The following TENT2 variants were observed in gnomAD, a reference collection of about 807,000 sequenced individuals.
TENT2 encodes poly(A) RNA polymerase GLD2.
In TENT2, 44 loss-of-function variants were observed where a neutral mutation model predicts 72.2. The observed-to-expected ratio is 0.61, with a 90% CI of 0.48 to 0.78. The LOEUF (loss-of-function observed/expected upper bound fraction) is 0.78, where lower values mean the gene tolerates loss of function less well. TENT2 is among the 30% of genes least tolerant of loss of function. TENT2 has a pLI of 0.00. For missense variants in TENT2, 541 were observed against 569.6 expected (o/e 0.95, Z 0.51); for synonymous variants, 212 against 192.5 (o/e 1.10, Z -0.84).
intron 4 of TENT2, among the ~76,000 whole-genome samples, chr5:79,634,541 C>G (rs1258765811): frequency 1.3e-5 from 2 of 151,822 alleles, no homozygotes; most frequent in Non-Finnish European, 2.9e-5. Context: ...GTTTCATCAT[C>G]TTGGTCAGGC....
intron 1 of TENT2, among the ~76,000 whole-genome samples, chr5:79,613,774 A>G (rs977195094): frequency 7.9e-5 from 12 of 152,248 alleles, no homozygotes; most frequent in Admixed American, 6.5e-4. Flanking sequence ...CAAAAGGAAT[A>G]TCCTGTTCAA....
rs1449128700 is a variant in TENT2 at position 79,631,542 on chromosome 5, G to A, written c.465+8053G>A. On this transcript the variant is annotated intron_variant, in intron 4 of 14. Coordinates refer to ENST00000453514, the MANE Select transcript of TENT2 (RefSeq NM_001114394.3). ...CATACAGATGGTAATTGAAGCCCCA[G>A]GAAGAGAGTCTATGTCCAAGACTCG... Among the ~76,000 whole-genome samples, 3 of 152,166 alleles carry A rather than the reference G, an allele frequency of 2.0e-5. No homozygotes were observed. In the East Asian group the frequency reaches 5.8e-4, roughly 29 times the overall value.
chr5:79,637,576 A>C (rs916496666), intron 4 of TENT2, among the ~76,000 whole-genome samples: 3 of 152,008 alleles, frequency 2.0e-5, no homozygotes, highest in African/African-American at 7.3e-5. Context: ...ACAGGCACGC[A>C]TCACCATGTC....
rs965880266 is a variant in TENT2, at chr5:79,649,180, C to T, written c.1017C>T (p.His339=). ...SSYSLVLMVL[H]YLQTLPEPIL... ...ATAGTCTTGTATTGATGGTTTTGCACTATTTACAAAGTAAGTATAATGGGG... is the reference window on the plus strand; with the variant it reads ...ATAGTCTTGTATTGATGGTTTTGCATTATTTACAAAGTAAGTATAATGGGG... The change falls in exon 10 of 15, where the codon CAC becomes CAT. Residue 339 remains histidine (H), a synonymous_variant. Transcript: ENST00000453514. The T allele has an allele frequency of 3.7e-6, 6 of 1,612,640 alleles. No individual in the cohort carries two copies. The highest frequency in any genetic ancestry group is 2.2e-5 in the East Asian group (1 of 44,820).
chr5:79,637,915 A>G (rs528863026), intron 4 of TENT2, among the ~76,000 whole-genome samples: 2 of 149,802 alleles, frequency 1.3e-5, no homozygotes, highest in African/African-American at 4.9e-5. Flanking sequence ...CTCTTGCCTC[A>G]GCCTCCCAAA....
chr5:79,678,413 A>G (rs1197476182), intron 12 of TENT2, among the ~76,000 whole-genome samples: 1 of 152,166 alleles, frequency 6.6e-6, no homozygotes, highest in African/African-American at 2.4e-5. Context: ...AATGGTAGAG[A>G]AAGTTAAATA....
intron 1 of TENT2, among the ~76,000 whole-genome samples, chr5:79,617,210 G>T (rs1225796948): frequency 6.6e-6 from 1 of 150,682 alleles, no homozygotes; most frequent in Non-Finnish European, 1.5e-5. Context: ...AGCACTTTTT[G>T]TACCCTCTTG....
intron 11 of TENT2, among the ~76,000 whole-genome samples, chr5:79,667,957 A>G (rs6895525): frequency 3.3e-5 from 5 of 150,540 alleles, no homozygotes; most frequent in Non-Finnish European, 5.9e-5. Flanking sequence ...ACGAAAAAAA[A>G]AAATCCATTT....
intron 14 of TENT2, among the ~76,000 whole-genome samples, chr5:79,683,286 T>G (rs1823478139): frequency 6.6e-6 from 1 of 150,722 alleles, no homozygotes; most frequent in African/African-American, 2.5e-5. Context: ...CAAGACATAG[T>G]TCACACACAC....
At chr5:79,652,826 A>G (rs1201173588) in intron 10 of TENT2, among the ~76,000 whole-genome samples, 2 of 152,030 alleles carry the variant, frequency 1.3e-5, no homozygotes, top group Non-Finnish European at 2.9e-5. Context: ...GTCAATCTTG[A>G]ACATATATTA....
chr5:79,673,568 G>A (rs1814732618), intron 12 of TENT2, among the ~76,000 whole-genome samples: 1 of 151,882 alleles, frequency 6.6e-6, no homozygotes, highest in African/African-American at 2.4e-5. Context: ...CCTAGTGTAT[G>A]TCTTGGCACC....
intron 11 of TENT2, among the ~76,000 whole-genome samples, chr5:79,667,441 G>A (rs1045417881): frequency 6.6e-6 from 1 of 152,064 alleles, no homozygotes; most frequent in African/African-American, 2.4e-5. Flanking sequence ...GGGAATAGAG[G>A]CACTGCATCT....
At chr5:79,626,521 A>T (rs1770068644) in intron 4 of TENT2, among the ~76,000 whole-genome samples, 1 of 150,862 alleles carries the variant, frequency 6.6e-6, no homozygotes, top group Non-Finnish European at 1.5e-5. Flanking sequence ...GTTAGCCAGG[A>T]TGGTTTTGAT....
At chr5:79,623,846 T>G (rs1271115976) in intron 4 of TENT2, among the ~76,000 whole-genome samples, 1 of 152,042 alleles carries the variant, frequency 6.6e-6, no homozygotes, top group Non-Finnish European at 1.5e-5. Flanking sequence ...TATGGGATAT[T>G]TGTGTTATAA....
At chr5:79,648,504 G>T in intron 8 of TENT2, 113 bp from the exon 9 acceptor site, 1 of 689,618 alleles carries the variant, frequency 1.5e-6, no homozygotes, top group South Asian at 1.9e-5. Context: ...ATGGCCTTTG[G>T]GCCCATACTA....
At chr5:79,670,330 T>TATTC in intron 12 of TENT2, among the ~76,000 whole-genome samples, 1 of 152,174 alleles carries the variant, frequency 6.6e-6, no homozygotes, top group East Asian at 1.9e-4. Context: ...TTTATTTATT[T>TATTC]ATTTATTTTT....
intron 1 of TENT2, chr5:79,614,098 T>C (rs1267313033): frequency 1.5e-5 from 2 of 136,516 alleles, no homozygotes; most frequent in African/African-American, 5.9e-5. Flanking sequence ...AATCTTTTTT[T>C]TTTTTTTTTT....
intron 8 of TENT2, among the ~76,000 whole-genome samples, chr5:79,645,860 CAT>C (rs1277696646): frequency 1.3e-5 from 2 of 152,104 alleles, no homozygotes; most frequent in Non-Finnish European, 2.9e-5. Context: ...CACACACACA[CAT>C]TGTTGATCCT....
chr5:79,640,257 A>G (rs1448951988), intron 4 of TENT2, among the ~76,000 whole-genome samples: 6 of 72,260 alleles, frequency 8.3e-5, no homozygotes, highest in African/African-American at 2.1e-4. Context: ...CTCCGTCTCA[A>G]AAAAAAAAAA....
Sources: gnomAD v4.1 joint callset for allele counts (sites outside exome capture counted in the v4.1 genomes callset) on GRCh38, gnomAD v4.1.1 for gene constraint, MANE v1.5 for transcripts, NCBI Gene and HGNC (gene_info 2026-07-23, HGNC 2026-07-21) for gene names.